CEP44: variants seen among roughly 807,000 people sequenced by gnomAD.
CEP44 encodes centrosomal protein 44.
Under a neutral mutation model 46.7 loss-of-function variants are expected in CEP44, and 45 were observed. That is an observed-to-expected ratio of 0.96 (90% CI 0.76 to 1.24). CEP44 has a LOEUF of 1.24. Among genes scored for constraint, CEP44 ranks in the 50% most tolerant of loss-of-function variants. CEP44 has a pLI of 0.00. For synonymous variants in CEP44, 142 were observed against 146.0 expected, an observed-to-expected ratio of 0.97 and a Z score of 0.20; for missense variants, 475 against 459.7, an observed-to-expected ratio of 1.03 and a Z score of -0.30.
At chr4:174,324,435 AAGT>A (rs1423436245), downstream of CEP44, among the ~76,000 whole-genome samples, 1 of 152,030 alleles carries the variant, frequency 6.6e-6, no homozygotes, top group Non-Finnish European at 1.5e-5. Flanking sequence ...TCAAATAGTA[AAGT>A]TATGATTAAG....
chr4:174,319,676 A>T lies in CEP44; in HGVS notation c.*2293A>T, dbSNP rs1038263074. The T allele has an allele frequency of 1.2e-5, 9 of 757,412 alleles. No individual in the cohort carries two copies. The East Asian group carries it at 3.8e-4, about 32-fold the overall frequency. 46.9% of individuals were successfully genotyped at this position (757,412 alleles called of 1,614,324 possible). Reference sequence around the variant, plus strand: ...CATATATGTTATCAGGTGGAAATTTAGAATCCAAATTTTCTTAAACTTTAA... The same window carrying T: ...CATATATGTTATCAGGTGGAAATTTTGAATCCAAATTTTCTTAAACTTTAA... On this transcript the variant is annotated 3_prime_UTR_variant, in exon 12 of 12. Coordinates refer to ENST00000503780, the MANE Select transcript of CEP44 (RefSeq NM_001040157.3).
At chr4:174,320,704 A>ATGTGTGTGTGTGTGTGTGTGTGTG (rs796604982), downstream of CEP44, among the ~76,000 whole-genome samples, 29 of 125,238 alleles carry the variant, frequency 2.3e-4, no homozygotes, top group African/African-American at 3.4e-4. Flanking sequence ...GTGTGTGTGT[A>ATGTGTGTGTGTGTGTGTGTGTGTG]TGTGTGTGTG....
chr4:174,308,598 T>G, intron 6 of CEP44, 91 bp from the exon 7 acceptor site: 2 of 1,256,446 alleles, frequency 1.6e-6, no homozygotes, highest in African/African-American at 1.5e-5. Flanking sequence ...GTAACAAACC[T>G]GCACATGGAC....
chr4:174,307,352 G>A (rs906261087), intron 6 of CEP44, among the ~76,000 whole-genome samples: 3 of 152,142 alleles, frequency 2.0e-5, no homozygotes, highest in Non-Finnish European at 2.9e-5. Flanking sequence ...ATGAAAACAA[G>A]CAATGGGGAA....
rs1220483594 is a variant in CEP44, at chr4:174,308,791, T to A, written c.610T>A (p.Ser204Thr). 5.6e-6 allele frequency: 9 copies of A among 1,613,236 alleles called. No homozygotes were observed. The South Asian group carries it at 8.8e-5, about 16-fold the overall frequency. ...AGATGTTAATGAAGCAGTTGATGTG[T>A]CTGACTTAAATGCTACTGAAATAAA... ...ITDVNEAVDV[S>T]DLNATEIKMP... The change falls in exon 7 of 12, where the codon TCT (serine) becomes ACT (threonine). Residue 204 changes from serine to threonine, a missense_variant. Ser to Thr is a moderately conservative substitution (Grantham distance 58). Coordinates refer to ENST00000503780, the MANE Select transcript of CEP44 (RefSeq NM_001040157.3).
In CEP44 at chr4:174,318,321, C is replaced by T. The variant is rs774105460; in HGVS notation, c.*938C>T. 18 of 985,100 alleles carry T rather than the reference C, an allele frequency of 1.8e-5. No homozygotes were observed. Among genetic ancestry groups the T allele is most frequent in the African/African-American group, 5.2e-5 (3 of 57,168 alleles). The allele number at this position is 985,100 out of a possible 1,614,324, so 61.0% of individuals were successfully genotyped here. A position where few individuals can be genotyped will look rare whatever the true frequency, so the allele number is the denominator to read the frequency against. The stretch of plus-strand genomic sequence containing the variant: ...CAGGTGATCTGCCTGTCTTGGCCTC[C>T]GGCGTAACACTTTTTAAGACCAGTG... On this transcript the variant is annotated 3_prime_UTR_variant, in exon 12 of 12. Coordinates refer to ENST00000503780, the MANE Select transcript of CEP44 (RefSeq NM_001040157.3).
Position 174,309,932 on chromosome 4 carries a change from T to C in CEP44, c.761T>C (p.Ile254Thr). ...GAAAATCTTAAGAAACTGACTTCGA[T>C]AGAGAAAAGGTTAGACTGTTTGGAA... ...CQENLKKLTS[I>T]EKRLDCLEQK... The change falls in exon 8 of 12, where the codon ATA (isoleucine) becomes ACA (threonine). Residue 254 changes from isoleucine (I) to threonine (T), a missense_variant. Coordinates refer to ENST00000503780, the MANE Select transcript of CEP44 (RefSeq NM_001040157.3). The surrounding 1 kb of genome is among the most constrained non-coding windows in gnomAD (Gnocchi z 5.3). 2.5e-6 allele frequency: 4 copies of C among 1,612,718 alleles called. No homozygotes were observed. Among genetic ancestry groups the C allele is most frequent in the Non-Finnish European group, 3.4e-6 (4 of 1,179,166 alleles).
chr4:174,304,377 A>G lies in CEP44; in HGVS notation c.507+8A>G. 2 of 1,603,538 alleles carry G rather than the reference A, an allele frequency of 1.2e-6. No individual in the cohort carries two copies. The highest frequency in any genetic ancestry group is 2.2e-5 in the East Asian group (1 of 44,644). ...TTTATGACCTCAGGAAAGGTATGCAACCACAAAGAAAATATCATATTGTTT... is the reference window on the plus strand; with the variant it reads ...TTTATGACCTCAGGAAAGGTATGCAGCCACAAAGAAAATATCATATTGTTT... On this transcript the variant is annotated splice_region_variant and intron_variant, in intron 6 of 11. Transcript: ENST00000503780.
intron 6 of CEP44, 90 bp from the exon 7 acceptor site, chr4:174,308,599 G>A (rs1740712985): frequency 2.4e-6 from 3 of 1,260,744 alleles, no homozygotes; most frequent in Non-Finnish European, 3.3e-6. Flanking sequence ...TAACAAACCT[G>A]CACATGGACC....
Position 174,331,405 on chromosome 4 carries a change from G to A in CEP44, c.1087-77G>A. The A allele has an allele frequency of 2.0e-6, 3 of 1,480,976 alleles. No individual in the cohort carries two copies. Among genetic ancestry groups the A allele is most frequent in the Non-Finnish European group, 2.7e-6 (3 of 1,096,818 alleles). 91.7% of individuals were successfully genotyped at this position (1,480,976 alleles called of 1,614,324 possible). A position where few individuals can be genotyped will look rare whatever the true frequency, so the allele number is the denominator to read the frequency against. On this transcript the variant is annotated intron_variant, in intron 8 of 8. Coordinates refer to the CEP44 transcript ENST00000426172. The surrounding 1 kb of genome is among the most constrained non-coding windows in gnomAD (Gnocchi z 4.5). The stretch of plus-strand genomic sequence containing the variant: ...GAAATATTAATAGCACTCTGACACT[G>A]CTCTAATTCCTATCTACCCATTCTG...
Position 174,290,251 on chromosome 4 carries a change from T to C in CEP44, c.-148+6308T>C, listed in dbSNP as rs889009978. Among the ~76,000 whole-genome samples, 2 of 152,096 alleles carry C rather than the reference T, an allele frequency of 1.3e-5. No homozygotes were observed. Among genetic ancestry groups the C allele is most frequent in the Non-Finnish European group, 2.9e-5 (2 of 68,026 alleles). On this transcript the variant is annotated intron_variant, in intron 1 of 11. Coordinates refer to ENST00000503780, the MANE Select transcript of CEP44 (RefSeq NM_001040157.3). This position sits in a 1 kb window ranked among gnomAD's most constrained non-coding sequence, Gnocchi z 4.3. ...TGGGTATACTGTGTTTTTATTATTGTTTGTCTTGAGATATTTTATAATTTC... is the reference window on the plus strand; with the variant it reads ...TGGGTATACTGTGTTTTTATTATTGCTTGTCTTGAGATATTTTATAATTTC...
rs1031639181 is a variant in CEP44 at position 174,301,350 on chromosome 4, A to G, written c.90-689A>G. Among the ~76,000 whole-genome samples, 1 of 152,204 alleles carries G rather than the reference A, an allele frequency of 6.6e-6. No individual in the cohort carries two copies. The highest frequency in any genetic ancestry group is 2.4e-5 in the African/African-American group (1 of 41,468). ...GATAAAGACACAGCAGATACTGAGT[A>G]GCCTGGGAGTCTTTCTTGGAGAGAT... On this transcript the variant is annotated intron_variant, in intron 3 of 11. Coordinates refer to ENST00000503780, the MANE Select transcript of CEP44 (RefSeq NM_001040157.3). This position sits in a 1 kb window ranked among gnomAD's most constrained non-coding sequence, Gnocchi z 4.3.
Position 174,326,029 on chromosome 4 carries a change from C to T in CEP44, c.1087-5453C>T, listed in dbSNP as rs1300777926. ...GCTCTTTTATCAAATCTAAAAATCT[C>T]TGGAATGTTTAGATTATTTACATTT... On this transcript the variant is annotated intron_variant, in intron 8 of 8. Transcript: ENST00000426172. This position sits in a 1 kb window ranked among gnomAD's most constrained non-coding sequence, Gnocchi z 4.8. Among the ~76,000 whole-genome samples the T allele has an allele frequency of 2.6e-5, 4 of 152,058 alleles. No homozygotes were observed. The highest frequency in any genetic ancestry group is 5.9e-5 in the Non-Finnish European group (4 of 68,004).
chr4:174,313,351 G>A (rs1340305797), intron 9 of CEP44, among the ~76,000 whole-genome samples: 5 of 149,508 alleles, frequency 3.3e-5, no homozygotes, highest in African/African-American at 7.4e-5. Flanking sequence ...TGTTTGTTTC[G>A]CTTTGTTTTG....
chr4:174,323,981 C>T (rs1742494301), downstream of CEP44, among the ~76,000 whole-genome samples: 2 of 152,128 alleles, frequency 1.3e-5, no homozygotes, highest in South Asian at 2.1e-4. Context: ...TGACTTTTCG[C>T]TATGTAGGTT....
chr4:174,324,358 G>C (rs1560925047), downstream of CEP44, among the ~76,000 whole-genome samples: 1 of 152,100 alleles, frequency 6.6e-6, no homozygotes, highest in African/African-American at 2.4e-5. Context: ...ATGAACACTG[G>C]AACATGTGTC....
At chr4:174,300,732 A>G (rs565422568) in intron 3 of CEP44, among the ~76,000 whole-genome samples, 9 of 151,924 alleles carry the variant, frequency 5.9e-5, no homozygotes, top group Admixed American at 5.9e-4. Flanking sequence ...CATCATTTTG[A>G]TTCTTTTTTC....
In CEP44 at chr4:174,301,901, G is replaced by A. The variant is rs1739755247; in HGVS notation, c.90-138G>A. ...GGGAATGGAATCTAGAAAGTCTCAT[G>A]TATCACCTAATTATTATAGCTATAG... On this transcript the variant is annotated intron_variant, in intron 3 of 11. Transcript: ENST00000503780. The surrounding 1 kb of genome is among the most constrained non-coding windows in gnomAD (Gnocchi z 4.3). The A allele has an allele frequency of 8.3e-6, 6 of 719,026 alleles. No homozygotes were observed. The highest frequency in any genetic ancestry group is 3.4e-5 in the Admixed American group (1 of 29,114). 44.5% of individuals were successfully genotyped at this position (719,026 alleles called of 1,614,324 possible).
chr4:174,317,049 A>T (rs1208553707), intron 11 of CEP44, among the ~76,000 whole-genome samples: 6 of 152,074 alleles, frequency 3.9e-5, no homozygotes, highest in Admixed American at 2.6e-4. Flanking sequence ...GGAAATATGA[A>T]ATGAAATTGC....
Sources: gnomAD v4.1 joint callset for allele counts (sites outside exome capture counted in the v4.1 genomes callset) on GRCh38, gnomAD v4.1.1 for gene constraint, Gnocchi (gnomAD v3.1) non-coding constraint, MANE v1.5 for transcripts, NCBI Gene and HGNC (gene_info 2026-07-23, HGNC 2026-07-21) for gene names.